KIDINS220: variants seen among roughly 807,000 people sequenced by gnomAD.
KIDINS220 encodes kinase D interacting substrate 220.
Under a neutral mutation model 157.6 loss-of-function variants are expected in KIDINS220, and 63 were observed. The ratio of observed to expected loss-of-function variants is 0.40; its 90% CI spans 0.33 to 0.49. The LOEUF is 0.49. KIDINS220 is among the 20% of genes least tolerant of loss of function. The probability of loss-of-function intolerance (pLI) is 0.66; values close to 1 mark genes in which losing one functional copy is unlikely to be tolerated. For missense variants in KIDINS220, 1,772 were observed against 2,171.2 expected (o/e 0.82, Z 3.65); for synonymous variants, 732 against 783.6 (o/e 0.93, Z 1.10).
chr2:8,737,218 AC>A (rs1665002669), intron 26 of KIDINS220: 6 of 397,240 alleles, frequency 1.5e-5, no homozygotes, highest in African/African-American at 4.0e-5. Flanking sequence ...CCTGGTCAAA[AC>A]CATTTTTTCT....
intron 22 of KIDINS220, among the ~76,000 whole-genome samples, chr2:8,752,204 A>G (rs1667455826): frequency 6.6e-6 from 1 of 152,000 alleles, no homozygotes; most frequent in Non-Finnish European, 1.5e-5. Flanking sequence ...ATTTTTCTAT[A>G]CAGACGAGAT....
chr2:8,729,178 A>G lies in KIDINS220; in HGVS notation c.*1542T>C, dbSNP rs1428834355. Reference sequence around the variant, plus strand: ...CTGCCTTTTTAAAATTGCTTAAAACATTTGTTAAAGATCATGCAAAATAAA... The same window carrying G: ...CTGCCTTTTTAAAATTGCTTAAAACGTTTGTTAAAGATCATGCAAAATAAA... On this transcript the variant is annotated 3_prime_UTR_variant, in exon 30 of 30. Transcript: ENST00000256707. The G allele has an allele frequency of 1.0e-6, 1 of 984,030 alleles. No individual in the cohort carries two copies. Among genetic ancestry groups the G allele is most frequent in the African/African-American group, 1.7e-5 (1 of 57,220 alleles). 61.0% of individuals were successfully genotyped at this position (984,030 alleles called of 1,614,324 possible). A position where few individuals can be genotyped will look rare whatever the true frequency, so the allele number is the denominator to read the frequency against.
intron 22 of KIDINS220, among the ~76,000 whole-genome samples, chr2:8,756,146 TC>T (rs1271183676): frequency 6.6e-6 from 1 of 152,222 alleles, no homozygotes; most frequent in Non-Finnish European, 1.5e-5. Context: ...TTCTTTAAAT[TC>T]TTTTAGCAAT....
rs1243425151 is a variant in KIDINS220 at position 8,731,498 on chromosome 2, C to A, written c.4538G>T (p.Gly1513Val). 1 of 1,614,172 alleles carries A rather than the reference C, an allele frequency of 6.2e-7. No individual in the cohort carries two copies. Among genetic ancestry groups the A allele is most frequent in the Non-Finnish European group, 8.5e-7 (1 of 1,180,044 alleles). The change falls in exon 30 of 30, where the codon GGG (glycine) becomes GTG (valine). Residue 1513 changes from glycine to valine, a missense_variant. Physicochemically the swap from Gly to Val is moderately radical, Grantham distance 109. This residue lies in a region of KIDINS220 where 793 missense variants were observed against 885.5 expected (regional missense o/e 0.90). Coordinates refer to ENST00000256707, the MANE Select transcript of KIDINS220 (RefSeq NM_020738.4). This position sits in a 1 kb window ranked among gnomAD's most constrained non-coding sequence, Gnocchi z 5.2. ...FQTDLKLKGS[G>V]LRYQKLPSDE... ...ACTTGGGAGTTTTTGATAGCGCAGC[C>A]CACTTCCCTTAAGCTTCAAATCTGT...
intron 9 of KIDINS220, among the ~76,000 whole-genome samples, chr2:8,799,312 C>G (rs185090935): frequency 9.9e-4 from 150 of 151,974 alleles, no homozygotes; most frequent in Non-Finnish European, 1.9e-3. Context: ...ACTCTGTCAC[C>G]CAGGCTAGAG....
chr2:8,734,741 CATTT>C lies in KIDINS220; in HGVS notation c.3726_3729del (p.Ile1242MetfsTer5). On this transcript the variant is annotated frameshift_variant, in exon 28 of 30. Coordinates refer to ENST00000256707, the MANE Select transcript of KIDINS220 (RefSeq NM_020738.4). LOFTEE classifies it high-confidence loss of function. ...ATGTTACACTGAGCTAACACACGGCCATTTATGTTTGCCTGAGTAAAAATTAAAA... is the reference window on the plus strand; with the variant it reads ...ATGTTACACTGAGCTAACACACGGCCATGTTTGCCTGAGTAAAAATTAAAA... 1.2e-6 allele frequency: 2 copies of C among 1,610,856 alleles called. No homozygotes were observed. Among genetic ancestry groups the C allele is most frequent in the Non-Finnish European group, 1.7e-6 (2 of 1,178,748 alleles).
intron 29 of KIDINS220, 108 bp downstream of exon 29, chr2:8,733,336 T>C: frequency 1.1e-6 from 1 of 936,942 alleles, no homozygotes; most frequent in Non-Finnish European, 1.6e-6. Context: ...TTCACTTAGG[T>C]ATTCAGTAAG....
At chr2:8,749,890 GA>G (rs929904507) in intron 24 of KIDINS220, among the ~76,000 whole-genome samples, 13 of 150,476 alleles carry the variant, frequency 8.6e-5, no homozygotes, top group South Asian at 2.1e-4. Context: ...CTAAATAAAA[GA>G]AAAAAAAATC....
intron 1 of KIDINS220, among the ~76,000 whole-genome samples, chr2:8,834,682 C>T (rs558969694): frequency 1.7e-4 from 26 of 152,220 alleles, no homozygotes; most frequent in African/African-American, 5.1e-4. Flanking sequence ...AACCCAGTAT[C>T]GGTAGAATGA....
chr2:8,739,256 T>C (rs1040459944), intron 26 of KIDINS220, among the ~76,000 whole-genome samples: 2 of 152,214 alleles, frequency 1.3e-5, no homozygotes, highest in African/African-American at 2.4e-5. Context: ...AGAATATATA[T>C]GTTACCTCTG....
At chr2:8,748,987 A>C (rs1666943203) in intron 24 of KIDINS220, among the ~76,000 whole-genome samples, 2 of 152,222 alleles carry the variant, frequency 1.3e-5, no homozygotes, top group Non-Finnish European at 2.9e-5. Flanking sequence ...GCAAACTTAC[A>C]CAGCAGATTT....
intron 22 of KIDINS220, 83 bp downstream of exon 22, chr2:8,770,587 T>A (rs10929557): frequency 7.0e-6 from 5 of 713,426 alleles, no homozygotes; most frequent in Non-Finnish European, 1.1e-5. Context: ...TATTATTTTG[T>A]ATTGTCTGCT....
intron 2 of KIDINS220, among the ~76,000 whole-genome samples, chr2:8,825,541 C>A (rs925968244): frequency 6.6e-6 from 1 of 151,752 alleles, no homozygotes; most frequent in Non-Finnish European, 1.5e-5. Flanking sequence ...TATGTCTACA[C>A]AAGATATATA....
intron 22 of KIDINS220, among the ~76,000 whole-genome samples, chr2:8,752,990 T>C (rs1306255994): frequency 6.6e-6 from 1 of 152,198 alleles, no homozygotes; most frequent in Non-Finnish European, 1.5e-5. Flanking sequence ...AAAACACTTA[T>C]TAAACACTAC....
Position 8,730,937 on chromosome 2 carries a change from T to C in KIDINS220, c.5099A>G (p.Asp1700Gly), listed in dbSNP as rs1310291659. The C allele has an allele frequency of 1.2e-6, 2 of 1,614,082 alleles. No individual in the cohort carries two copies. The highest frequency in any genetic ancestry group is 1.7e-6 in the Non-Finnish European group (2 of 1,180,042). ...APANRANQNF[D>G]EMEGIRETSQ... is the part of the protein sequence containing the mutation. ...AGTCTCCCTAATTCCCTCCATCTCA[T>C]CGAAATTTTGATTGGCTCTGTTGGC... is the stretch of plus-strand genomic sequence containing the variant. Residue 1700 changes from aspartate to glycine, a missense_variant, in exon 30 of 30, where the codon GAT (aspartate) becomes GGT (glycine). This residue lies in a region of KIDINS220 where 793 missense variants were observed against 885.5 expected (regional missense o/e 0.90). Coordinates refer to ENST00000256707, the MANE Select transcript of KIDINS220 (RefSeq NM_020738.4).
intron 4 of KIDINS220, among the ~76,000 whole-genome samples, chr2:8,815,674 G>A (rs1009623092): frequency 1.3e-5 from 2 of 150,426 alleles, no homozygotes; most frequent in African/African-American, 4.9e-5. Context: ...GTCTCAGGGG[G>A]AAAAAAAAAT....
intron 28 of KIDINS220, among the ~76,000 whole-genome samples, chr2:8,734,337 T>C (rs761078983): frequency 1.3e-5 from 2 of 152,112 alleles, no homozygotes; most frequent in Non-Finnish European, 2.9e-5. Flanking sequence ...ATGCTGAAGG[T>C]CAAGGCCTCG....
At chr2:8,781,099 C>A (rs1671654616) in intron 17 of KIDINS220, among the ~76,000 whole-genome samples, 1 of 143,968 alleles carries the variant, frequency 6.9e-6, no homozygotes, top group South Asian at 2.2e-4. Context: ...GAAAGCTATA[C>A]CAACACCAAT....
At chr2:8,737,726 C>T (rs1230575985) in intron 26 of KIDINS220, among the ~76,000 whole-genome samples, 1 of 152,128 alleles carries the variant, frequency 6.6e-6, no homozygotes, top group Non-Finnish European at 1.5e-5. Context: ...AACCAGTTGT[C>T]CGTGGTCAAT....
Sources: gnomAD v4.1 joint callset for allele counts (sites outside exome capture counted in the v4.1 genomes callset) on GRCh38, gnomAD v4.1.1 for gene constraint, gnomAD v4.1.1 regional missense constraint, Gnocchi (gnomAD v3.1) non-coding constraint, MANE v1.5 for transcripts, NCBI Gene and HGNC (gene_info 2026-07-23, HGNC 2026-07-21) for gene names.